The following ERN1 variants were observed in gnomAD, a reference collection of about 807,000 sequenced individuals.
The protein encoded by ERN1 is endoplasmic reticulum to nucleus signaling 1.
A neutral mutation model predicts 113.1 loss-of-function variants in ERN1; 39 were observed. The ratio of observed to expected loss-of-function variants is 0.34; its 90% confidence interval spans 0.27 to 0.45. The LOEUF (loss-of-function observed/expected upper bound fraction) is 0.45, where lower values mean the gene tolerates loss of function less well. Ranked by LOEUF, ERN1 falls within the 20% of genes least tolerant of loss-of-function variation. The probability of loss-of-function intolerance (pLI) is 1.00; values close to 1 mark genes in which losing one functional copy is unlikely to be tolerated. For synonymous variants in ERN1, 507 were observed against 515.9 expected (o/e 0.98, Z 0.23); for missense variants, 976 against 1,274.8 (o/e 0.77, Z 3.57).
chr17:64,103,300 C>A (rs532087986), intron 1 of ERN1, among the ~76,000 whole-genome samples: 1 of 152,138 alleles, frequency 6.6e-6, no homozygotes, highest in East Asian at 1.9e-4. Flanking sequence ...AATTCAAGAC[C>A]AGCCTGGCCA....
chr17:64,071,106 C>T (rs553931933), intron 6 of ERN1, among the ~76,000 whole-genome samples: 5 of 152,228 alleles, frequency 3.3e-5, no homozygotes, highest in East Asian at 1.9e-4. Context: ...CAAAATGGTG[C>T]GGTGAAGAGG....
chr17:64,086,709 C>T (rs1410534617), intron 2 of ERN1, among the ~76,000 whole-genome samples: 1 of 123,080 alleles, frequency 8.1e-6, no homozygotes, highest in Non-Finnish European at 1.6e-5. Context: ...TGCAGTGGCA[C>T]AATCTCAGCA....
At chr17:64,117,264 G>A (rs780605011) in intron 1 of ERN1, among the ~76,000 whole-genome samples, 3 of 151,906 alleles carry the variant, frequency 2.0e-5, no homozygotes, top group Non-Finnish European at 2.9e-5. Context: ...GCAACATGGC[G>A]AAACCCCGTC....
intron 1 of ERN1, among the ~76,000 whole-genome samples, chr17:64,102,352 A>C (rs1472426797): frequency 6.6e-6 from 1 of 152,208 alleles, no homozygotes; most frequent in African/African-American, 2.4e-5. Context: ...TCAAAAATAC[A>C]AAGTTTAGAG....
At chr17:64,076,214 T>C (rs1465084542) in intron 4 of ERN1, among the ~76,000 whole-genome samples, 1 of 152,222 alleles carries the variant, frequency 6.6e-6, no homozygotes, top group African/African-American at 2.4e-5. Context: ...ACATTCTGTG[T>C]TTTTGAAATT....
At chr17:64,114,680 G>A (rs1914759307) in intron 1 of ERN1, among the ~76,000 whole-genome samples, 1 of 151,966 alleles carries the variant, frequency 6.6e-6, no homozygotes, top group African/African-American at 2.4e-5. Context: ...AGAACAGGAA[G>A]GTTGCTGTTC....
At chr17:64,082,935 ATAAGCACCTGGAATAAGCCTCTTC>A (rs1913813212) in intron 2 of ERN1, among the ~76,000 whole-genome samples, 2 of 152,208 alleles carry the variant, frequency 1.3e-5, no homozygotes, top group Non-Finnish European at 2.9e-5. Context: ...ACTCAGTAAA[ATAAGCACCTGGAATAAGCCTCTTC>A]AAAGCTGCAG....
At chr17:64,117,678 A>T (rs1914846175) in intron 1 of ERN1, among the ~76,000 whole-genome samples, 2 of 152,240 alleles carry the variant, frequency 1.3e-5, no homozygotes, top group South Asian at 4.1e-4. Flanking sequence ...GATCTAGTCT[A>T]CGAGAGTACA....
chr17:64,055,919 G>A lies in ERN1; in HGVS notation c.1428C>T (p.His476=). The change falls in exon 13 of 22, where the codon CAC becomes CAT. Residue 476 remains histidine, a synonymous_variant. Coordinates refer to ENST00000433197, the MANE Select transcript of ERN1 (RefSeq NM_001433.5). ...LSMHQQQQLQ[H]QQFQKELEKI... ...TCTCCAGTTCCTTCTGGAACTGCTG[G>A]TGCTGGAGCTGCTGCTGCTGATGCA... 1 of 1,548,244 alleles carries A rather than the reference G, an allele frequency of 6.5e-7. No homozygotes were observed. The highest frequency in any genetic ancestry group is 8.7e-7 in the Non-Finnish European group (1 of 1,145,556).
chr17:64,091,799 C>T (rs891685637), intron 2 of ERN1, among the ~76,000 whole-genome samples: 6 of 152,092 alleles, frequency 3.9e-5, no homozygotes, highest in Admixed American at 3.3e-4. Context: ...CACGAATGGC[C>T]TTGCACATGC....
intron 2 of ERN1, among the ~76,000 whole-genome samples, chr17:64,086,219 C>T (rs899981148): frequency 6.6e-6 from 1 of 152,232 alleles, no homozygotes; most frequent in East Asian, 1.9e-4. Flanking sequence ...AACACACACC[C>T]ATGTAACTAT....
At chr17:64,048,238 T>C (rs1912573959) in intron 18 of ERN1, among the ~76,000 whole-genome samples, 1 of 152,224 alleles carries the variant, frequency 6.6e-6, no homozygotes, top group South Asian at 2.1e-4. Flanking sequence ...CTCCCTACGC[T>C]GGGCCATGAG....
intron 1 of ERN1, among the ~76,000 whole-genome samples, chr17:64,120,416 G>A (rs948359931): frequency 3.3e-5 from 5 of 152,092 alleles, no homozygotes; most frequent in Non-Finnish European, 5.9e-5. Context: ...AGAAAAATTC[G>A]GTTTCCATGA....
rs576799996 is a variant in ERN1 at position 64,043,758 on chromosome 17, G to GT, written c.*229dup. ...GCCCTCCTTTGCAGACATCATGACC[G>GT]TAAGGCTTTTGGGGCCAGCATCTTC... On this transcript the variant is annotated 3_prime_UTR_variant, in exon 22 of 22. Transcript: ENST00000433197. The GT allele has an allele frequency of 8.2e-5, 36 of 437,014 alleles. No individual in the cohort carries two copies. The highest frequency in any genetic ancestry group is 6.2e-4 in the African/African-American group (31 of 49,908). 27.1% of individuals were successfully genotyped at this position (437,014 alleles called of 1,614,324 possible). A position where few individuals can be genotyped will look rare whatever the true frequency, so the allele number is the denominator to read the frequency against.
chr17:64,074,291 T>A (rs935548227), intron 5 of ERN1, among the ~76,000 whole-genome samples: 2 of 152,198 alleles, frequency 1.3e-5, no homozygotes, highest in African/African-American at 4.8e-5. Flanking sequence ...CTATAAGTGA[T>A]GAATTGCTGG....
intron 17 of ERN1, among the ~76,000 whole-genome samples, chr17:64,050,751 C>A (rs1194194370): frequency 6.6e-6 from 1 of 152,200 alleles, no homozygotes; most frequent in African/African-American, 2.4e-5. Flanking sequence ...CACAAGATTT[C>A]TATGACTTAA....
intron 1 of ERN1, among the ~76,000 whole-genome samples, chr17:64,115,711 C>T (rs141409194): frequency 1.3e-5 from 2 of 152,262 alleles, no homozygotes; most frequent in African/African-American, 4.8e-5. Context: ...CATATAGATG[C>T]TTTTGGGGTG....
chr17:64,127,669 G>A (rs1240361481), intron 1 of ERN1, among the ~76,000 whole-genome samples: 3 of 151,450 alleles, frequency 2.0e-5, no homozygotes, highest in East Asian at 1.9e-4. Flanking sequence ...CAGGAGAATC[G>A]CTTGAACCCG....
At chr17:64,107,595 ACAGGCTTGAGCGGCTGGCC>A (rs1914565450) in intron 1 of ERN1, among the ~76,000 whole-genome samples, 1 of 152,194 alleles carries the variant, frequency 6.6e-6, no homozygotes, top group Non-Finnish European at 1.5e-5. Flanking sequence ...TGCTGGGATT[ACAGGCTTGAGCGGCTGGCC>A]TACAAAACAG....
Sources: gnomAD v4.1 joint callset for allele counts (sites outside exome capture counted in the v4.1 genomes callset) on GRCh38, gnomAD v4.1.1 for gene constraint, MANE v1.5 for transcripts, NCBI Gene and HGNC (gene_info 2026-07-23, HGNC 2026-07-21) for gene names.